The following KIF15 variants were observed in gnomAD, a reference collection of about 807,000 sequenced individuals.
KIF15 encodes kinesin family member 15.
KIF15 carries 140 observed loss-of-function variants against 190.6 expected under a neutral mutation model. That is an observed-to-expected ratio of 0.73 (90% CI 0.64 to 0.84). The LOEUF is 0.84. KIF15 is among the 40% of genes least tolerant of loss of function. KIF15 has a pLI of 0.00. For synonymous variants in KIF15, 528 were observed against 551.3 expected, an observed-to-expected ratio of 0.96 and a Z score of 0.59; for missense variants, 1,372 against 1,584.4, an observed-to-expected ratio of 0.87 and a Z score of 2.28.
intron 20 of KIF15, among the ~76,000 whole-genome samples, chr3:44,820,377 A>G (rs1166168511): frequency 7.6e-6 from 1 of 132,156 alleles, no homozygotes; most frequent in Admixed American, 7.8e-5. Flanking sequence ...TTTATTGATC[A>G]TTCTTGGGTG....
rs545280321 is a variant in KIF15, at chr3:44,777,766, GA to G, written c.247-345del. 5.3e-4 allele frequency among the ~76,000 whole-genome samples: 80 copies of G among 152,318 alleles called. 1 individual carries two copies. The highest frequency in any genetic ancestry group is 1.7e-3 in the African/African-American group (72 of 41,570). On this transcript the variant is annotated intron_variant, in intron 3 of 34. Transcript: ENST00000326047. ...ACTGCATCTCCTTGTAGGTAAAAATGAAAATAAAATGGAGGTATTGACTGTT... is the reference window on the plus strand; with the variant it reads ...ACTGCATCTCCTTGTAGGTAAAAATGAAATAAAATGGAGGTATTGACTGTT...
At chr3:44,778,551 T>G (rs1342445463) in intron 4 of KIF15, among the ~76,000 whole-genome samples, 2 of 152,150 alleles carry the variant, frequency 1.3e-5, no homozygotes, top group African/African-American at 2.4e-5. Flanking sequence ...TAAAAAAGGT[T>G]TTCTGATTTT....
intron 1 of KIF15, among the ~76,000 whole-genome samples, chr3:44,771,459 T>C (rs1265639201): frequency 3.9e-5 from 6 of 152,296 alleles, no homozygotes; most frequent in African/African-American, 1.4e-4. Flanking sequence ...CCTAAACATG[T>C]CAGGTAATCC....
chr3:44,823,846 G>A (rs1315945814), intron 20 of KIF15, among the ~76,000 whole-genome samples: 3 of 152,204 alleles, frequency 2.0e-5, no homozygotes, highest in African/African-American at 7.2e-5. Context: ...CTTCTGGTAT[G>A]CCATTTGATA....
At chr3:44,810,768 C>A in intron 16 of KIF15, 78 bp from the exon 17 acceptor site, 2 of 1,143,172 alleles carry the variant, frequency 1.7e-6, no homozygotes, top group South Asian at 1.6e-5. Flanking sequence ...TCAATTTTAT[C>A]CTCTCTATTC....
chr3:44,824,462 A>G (rs1165710824), intron 20 of KIF15, among the ~76,000 whole-genome samples: 1 of 152,178 alleles, frequency 6.6e-6, no homozygotes, highest in Non-Finnish European at 1.5e-5. Context: ...GTGCAGTGGT[A>G]TAACCCAACT....
At chr3:44,816,066 T>G (rs1030415810) in intron 20 of KIF15, among the ~76,000 whole-genome samples, 5 of 152,018 alleles carry the variant, frequency 3.3e-5, no homozygotes, top group Non-Finnish European at 7.4e-5. Flanking sequence ...TTTCTATTTG[T>G]AAAATGAAAA....
intron 5 of KIF15, among the ~76,000 whole-genome samples, chr3:44,783,768 T>C (rs1029366366): frequency 1.4e-4 from 22 of 151,968 alleles, no homozygotes; most frequent in Non-Finnish European, 3.1e-4. Context: ...ACAACTATTA[T>C]ATTTTAAAAT....
At chr3:44,857,679 C>T (rs540563852), downstream of KIF15, among the ~76,000 whole-genome samples, 1 of 152,250 alleles carries the variant, frequency 6.6e-6, no homozygotes, top group East Asian at 1.9e-4. Context: ...ATGGCAAAAC[C>T]AGGTATCCAA....
chr3:44,802,720 T>G (rs1039879660), intron 13 of KIF15, 94 bp from the exon 14 acceptor site: 3 of 1,266,920 alleles, frequency 2.4e-6, no homozygotes, highest in African/African-American at 3.0e-5. Context: ...GTAGTGCATG[T>G]GCATACCTAG....
intron 26 of KIF15, among the ~76,000 whole-genome samples, chr3:44,831,792 T>TA (rs1698085683): frequency 6.6e-6 from 1 of 152,208 alleles, no homozygotes. Context: ...GTTTCTTGTG[T>TA]AACTTTCAAG....
Position 44,799,561 on chromosome 3 carries a change from C to CTT in KIF15, c.1099-739_1099-738dup, listed in dbSNP as rs749598603. Among the ~76,000 whole-genome samples the CTT allele has an allele frequency of 5.6e-3, 780 of 140,370 alleles. 9 individuals carry two copies. Among genetic ancestry groups the CTT allele is most frequent in the African/African-American group, 0.018 (712 of 38,488 alleles). The allele number at this position is 140,370 out of a possible 152,430, so 92.1% of individuals were successfully genotyped here. ...AAGCTTTATTTTTTTAATTAATCAA[C>CTT]TTTTTTTTTTTTTTTGAGATAGAGT... On this transcript the variant is annotated intron_variant, in intron 10 of 34. Transcript: ENST00000326047.
chr3:44,781,024 T>G (rs934502146), intron 5 of KIF15, 102 bp downstream of exon 5: 9 of 857,406 alleles, frequency 1.0e-5, no homozygotes, highest in African/African-American at 5.2e-5. Flanking sequence ...ATGATGTTGA[T>G]CTCTTGAAAT....
chr3:44,780,500 A>G (rs930650112), intron 4 of KIF15, among the ~76,000 whole-genome samples: 4 of 152,202 alleles, frequency 2.6e-5, no homozygotes, highest in Admixed American at 2.6e-4. Context: ...TCCCAAAACC[A>G]TGGAATACTG....
In KIF15 at chr3:44,838,418, C is replaced by T. The variant is rs756799482; in HGVS notation, c.3315C>T (p.His1105=). ...KKEALIQELQ[H]KLNQKKEEVE... ...AAGCCCTGATTCAGGAACTTCAGCA[C>T]AAGGTGAGAAACACACAGGTGTCAC... Residue 1105 remains histidine, a synonymous_variant, in exon 27 of 35, where the codon CAC becomes CAT. Transcript: ENST00000326047. 2.9e-5 allele frequency: 46 copies of T among 1,612,058 alleles called. No individual in the cohort carries two copies. Among genetic ancestry groups the T allele is most frequent in the Non-Finnish European group, 3.9e-5 (46 of 1,179,126 alleles).
intron 2 of KIF15, 112 bp from the exon 3 acceptor site, chr3:44,775,142 C>T: frequency 1.2e-6 from 1 of 826,098 alleles, no homozygotes; most frequent in East Asian, 2.5e-5. Context: ...ATGTCTTGGG[C>T]TTTGTTGGAG....
At chr3:44,865,208 A>G in intron 6 of KIF15, 4 of 1,613,870 alleles carry the variant, frequency 2.5e-6, no homozygotes, top group Non-Finnish European at 3.4e-6. Context: ...GACCAGCTGG[A>G]AAGATCATGA....
At chr3:44,809,378 T>C (rs1707680849) in intron 16 of KIF15, among the ~76,000 whole-genome samples, 1 of 152,206 alleles carries the variant, frequency 6.6e-6, no homozygotes, top group African/African-American at 2.4e-5. Flanking sequence ...TTGCTTGTCT[T>C]TCATCTTTGC....
intron 7 of KIF15, among the ~76,000 whole-genome samples, chr3:44,789,378 A>G (rs1706562319): frequency 6.6e-6 from 1 of 151,906 alleles, no homozygotes; most frequent in Non-Finnish European, 1.5e-5. Context: ...TATTTCTCAC[A>G]TTGATTCTCA....
Sources: allele counts gnomAD v4.1 joint callset (sites outside exome capture counted in the v4.1 genomes callset), GRCh38; gene constraint gnomAD v4.1.1; transcripts MANE v1.5; gene names NCBI Gene and HGNC (gene_info 2026-07-23, HGNC 2026-07-21).